Variants in KCNH8 observed in about 807,000 individuals in gnomAD.
The protein encoded by KCNH8 is voltage-gated delayed rectifier potassium channel KCNH8.
In KCNH8, 70 loss-of-function variants were observed where a neutral mutation model predicts 103.6. That is an observed-to-expected ratio of 0.68 (90% CI 0.56 to 0.82). The LOEUF (loss-of-function observed/expected upper bound fraction) is 0.82. Ranked by LOEUF, KCNH8 falls within the 40% of genes least tolerant of loss-of-function variation. The pLI, the probability that KCNH8 is intolerant of heterozygous loss-of-function variation, is 0.00. For synonymous variants in KCNH8, 498 were observed against 489.4 expected (o/e 1.02, Z -0.23); for missense variants, 1,217 against 1,329.9 (o/e 0.92, Z 1.32).
Position 19,450,088 on chromosome 3 carries a change from C to CAACA in KCNH8, c.1376-18_1376-17insAACA. On this transcript the variant is annotated splice_polypyrimidine_tract_variant and intron_variant, in intron 8 of 15. Transcript: ENST00000328405. ...TGTCACATTTCTCTTCCATTATATA[C>CAACA]TGTGTTGTTCTTTCTAGCCTTGATG... is the stretch of plus-strand genomic sequence containing the variant. The CAACA allele has an allele frequency of 6.2e-7, 1 of 1,606,508 alleles. No individual in the cohort carries two copies. Among genetic ancestry groups the CAACA allele is most frequent in the East Asian group, 2.2e-5 (1 of 44,782 alleles).
At chr3:19,182,871 T>G (rs993695575) in intron 1 of KCNH8, among the ~76,000 whole-genome samples, 1 of 152,154 alleles carries the variant, frequency 6.6e-6, no homozygotes. Context: ...TGAAAAATAT[T>G]GAGAAAAAAA....
At position 19,347,789 on chromosome 3, in the gene KCNH8, T is replaced by G; in HGVS notation, c.635T>G (p.Phe212Cys). The change falls in exon 5 of 16, where the codon TTC (phenylalanine) becomes TGC (cysteine). Residue 212 changes from phenylalanine (F) to cysteine (C), a missense_variant. By Grantham distance (205) the Phe-to-Cys change is radical. Transcript: ENST00000328405. ...GTTTCTGATGCAAAAAAGTCCAAAT[T>G]CATACTTCTGCATTTTAGCACTTTT... ...YKVSDAKKSK[F>C]ILLHFSTFKA... 1 of 1,613,254 alleles carries G rather than the reference T, an allele frequency of 6.2e-7. No individual in the cohort carries two copies. Among genetic ancestry groups the G allele is most frequent in the African/African-American group, 1.3e-5 (1 of 74,968 alleles).
At chr3:19,201,268 G>GAA (rs2063659454) in intron 1 of KCNH8, among the ~76,000 whole-genome samples, 8 of 82,500 alleles carry the variant, frequency 9.7e-5, no homozygotes, top group African/African-American at 3.8e-4. Context: ...AAAAAGAAAA[G>GAA]AAAATTATAG....
intron 2 of KCNH8, among the ~76,000 whole-genome samples, chr3:19,256,665 G>C (rs1316950687): frequency 6.6e-6 from 1 of 151,980 alleles, no homozygotes; most frequent in Non-Finnish European, 1.5e-5. Context: ...TAGGTGTCAG[G>C]ACCAAACAAT....
At chr3:19,212,600 C>T (rs1388742273) in intron 1 of KCNH8, among the ~76,000 whole-genome samples, 1 of 151,960 alleles carries the variant, frequency 6.6e-6, no homozygotes, top group Non-Finnish European at 1.5e-5. Flanking sequence ...GGTTGGGGCT[C>T]ATACTGTTTG....
intron 2 of KCNH8, among the ~76,000 whole-genome samples, chr3:19,259,829 T>C (rs1014209648): frequency 6.6e-6 from 1 of 151,758 alleles, no homozygotes; most frequent in African/African-American, 2.4e-5. Context: ...AAATAATTTA[T>C]TTATAATTAA....
intron 3 of KCNH8, among the ~76,000 whole-genome samples, chr3:19,293,204 G>A (rs989137399): frequency 2.0e-5 from 3 of 152,098 alleles, no homozygotes; most frequent in African/African-American, 7.2e-5. Context: ...GATGGAGACA[G>A]GGTAAAGTTC....
chr3:19,474,216 C>A (rs775685691), intron 11 of KCNH8, among the ~76,000 whole-genome samples: 33 of 152,258 alleles, frequency 2.2e-4, no homozygotes, highest in Non-Finnish European at 4.3e-4. Flanking sequence ...AAACAAATTG[C>A]AAAATCCCAG....
intron 8 of KCNH8, among the ~76,000 whole-genome samples, chr3:19,442,229 T>G (rs969212806): frequency 6.6e-6 from 1 of 152,182 alleles, no homozygotes; most frequent in Non-Finnish European, 1.5e-5. Flanking sequence ...TTTTATAATT[T>G]CCATTCTCTG....
chr3:19,184,354 A>G (rs1041927769), intron 1 of KCNH8, among the ~76,000 whole-genome samples: 2 of 152,032 alleles, frequency 1.3e-5, no homozygotes, highest in African/African-American at 4.8e-5. Context: ...GTTTATAGAC[A>G]TAGCTATGTG....
chr3:19,461,856 C>G (rs2067636791), intron 11 of KCNH8, among the ~76,000 whole-genome samples: 1 of 152,250 alleles, frequency 6.6e-6, no homozygotes, highest in Admixed American at 6.5e-5. Context: ...GTGATGTTCC[C>G]CGCCCTGTGT....
intron 8 of KCNH8, among the ~76,000 whole-genome samples, chr3:19,444,647 G>GA (rs1196528214): frequency 2.0e-5 from 3 of 150,966 alleles, no homozygotes; most frequent in African/African-American, 7.3e-5. Flanking sequence ...AAATCAATAA[G>GA]AAAAAAATCA....
At chr3:19,506,538 G>A (rs981458925) in intron 11 of KCNH8, among the ~76,000 whole-genome samples, 2 of 152,152 alleles carry the variant, frequency 1.3e-5, no homozygotes, top group Non-Finnish European at 2.9e-5. Context: ...ATTTCCTCAT[G>A]ATTGCAGCTA....
At chr3:19,417,911 A>G (rs2066887842) in intron 7 of KCNH8, among the ~76,000 whole-genome samples, 1 of 152,212 alleles carries the variant, frequency 6.6e-6, no homozygotes, top group African/African-American at 2.4e-5. Flanking sequence ...GAACTGACAA[A>G]TAAAGCCTGC....
At chr3:19,419,195 G>GT (rs1559318835) in intron 7 of KCNH8, among the ~76,000 whole-genome samples, 3 of 128,754 alleles carry the variant, frequency 2.3e-5, no homozygotes, top group Non-Finnish European at 3.2e-5. Context: ...AATGGTTTTG[G>GT]TTTTTTTTTT....
chr3:19,346,859 T>A, intron 4 of KCNH8: 1 of 338,318 alleles, frequency 3.0e-6, no homozygotes, highest in South Asian at 2.4e-5. Flanking sequence ...AAGTAGCTGG[T>A]CACAGGCTTG....
chr3:19,161,415 A>C (rs1575404523), intron 1 of KCNH8, among the ~76,000 whole-genome samples: 2 of 152,058 alleles, frequency 1.3e-5, no homozygotes, highest in East Asian at 3.8e-4. Context: ...ATTGTTGAAA[A>C]TTTTGTTCAT....
chr3:19,391,769 C>T (rs2066441111), intron 6 of KCNH8: 1 of 151,922 alleles, frequency 6.6e-6, no homozygotes, highest in Non-Finnish European at 1.5e-5. Context: ...AAATCTAGTA[C>T]ATATCAATCA....
intron 7 of KCNH8, among the ~76,000 whole-genome samples, chr3:19,426,753 G>A (rs1474941297): frequency 6.6e-6 from 1 of 152,044 alleles, no homozygotes; most frequent in Non-Finnish European, 1.5e-5. Flanking sequence ...TTAGCAATCA[G>A]CCACTTTAGT....
Sources: gnomAD v4.1 joint callset for allele counts (sites outside exome capture counted in the v4.1 genomes callset) on GRCh38, gnomAD v4.1.1 for gene constraint, MANE v1.5 for transcripts, NCBI Gene and HGNC (gene_info 2026-07-23, HGNC 2026-07-21) for gene names.